The following GET1 variants were observed in gnomAD, a reference collection of about 807,000 sequenced individuals.
GET1 encodes guided entry of tail-anchored proteins factor 1, also known as congenital heart disease 5 protein.
Under a neutral mutation model 22.6 loss-of-function variants are expected in GET1, and 20 were observed. The observed-to-expected ratio is 0.89, with a 90% CI of 0.62 to 1.29. The LOEUF (loss-of-function observed/expected upper bound fraction) is 1.29, where lower values mean the gene tolerates loss of function less well. GET1 is among the 50% of genes most tolerant of loss of function. GET1 has a pLI of 0.00. For missense variants in GET1, 209 were observed against 219.9 expected (o/e 0.95, Z 0.31); for synonymous variants, 92 against 83.8 (o/e 1.10, Z -0.53).
intron 1 of GET1, chr21:39,387,775 AC>A: frequency 1.0e-6 from 1 of 983,052 alleles, no homozygotes; most frequent in Non-Finnish European, 1.2e-6. Context: ...ATGCGCAGAC[AC>A]CCTCAGGCGA....
At chr21:39,418,719 C>T (rs2041748309) in intron 1 of GET1, among the ~76,000 whole-genome samples, 1 of 152,044 alleles carries the variant, frequency 6.6e-6, no homozygotes, top group African/African-American at 2.4e-5. Context: ...AGGCTGGTCT[C>T]GAACTCCCAA....
At chr21:39,419,178 C>T (rs2041839329) in intron 1 of GET1, among the ~76,000 whole-genome samples, 1 of 152,092 alleles carries the variant, frequency 6.6e-6, no homozygotes, top group Non-Finnish European at 1.5e-5. Context: ...TCTCCTGTCT[C>T]TGAGTCATCT....
chr21:39,410,091 T>G (rs184696227), downstream of GET1: 420 of 1,601,214 alleles, frequency 2.6e-4, 2 homozygotes, highest in Non-Finnish European at 6.8e-5. Context: ...CTGTTGCCTT[T>G]TTACCCTGTA....
intron 1 of GET1, chr21:39,423,159 C>T (rs780629947): frequency 2.5e-6 from 4 of 1,613,406 alleles, no homozygotes; most frequent in Non-Finnish European, 3.4e-6. Flanking sequence ...TTTCCTTTTC[C>T]TGGGATTTCC....
At chr21:39,382,827 C>G (rs2037635710) in intron 1 of GET1, among the ~76,000 whole-genome samples, 1 of 152,200 alleles carries the variant, frequency 6.6e-6, no homozygotes, top group African/African-American at 2.4e-5. Flanking sequence ...GAAAAACCAC[C>G]ATACTGTTTT....
At chr21:39,404,922 C>A (rs1409525399) in intron 4 of GET1, among the ~76,000 whole-genome samples, 1 of 151,284 alleles carries the variant, frequency 6.6e-6, no homozygotes, top group Non-Finnish European at 1.5e-5. Flanking sequence ...CCTCTGCCTC[C>A]TGGGGTTCCA....
exon 5 of GET1, chr21:39,406,566 C>A (rs1428360978): frequency 1.9e-6 from 3 of 1,604,838 alleles, no homozygotes; most frequent in Non-Finnish European, 2.5e-6. Context: ...TTCCAGTATT[C>A]TCCAGCAGTA....
chr21:39,380,571 A>G (rs1484314958), intron 1 of GET1, 85 bp downstream of exon 1: 7 of 1,538,806 alleles, frequency 4.5e-6, no homozygotes, highest in Non-Finnish European at 6.1e-6. Context: ...AGGGGTCTCA[A>G]CTGGGCGACT....
intron 3 of GET1, among the ~76,000 whole-genome samples, chr21:39,392,707 TG>T (rs906857855): frequency 6.6e-6 from 1 of 152,164 alleles, no homozygotes; most frequent in African/African-American, 2.4e-5. Context: ...CTGGTGTACG[TG>T]GGAGAATTCA....
intron 1 of GET1, chr21:39,422,638 G>A (rs1422810612): frequency 2.0e-5 from 8 of 390,720 alleles, no homozygotes; most frequent in Middle Eastern, 1.4e-3. Context: ...GAGGTTTCAC[G>A]TAACACAATG....
intron 1 of GET1, chr21:39,420,668 C>G (rs373572715): frequency 6.4e-7 from 1 of 1,566,086 alleles, no homozygotes; most frequent in African/African-American, 1.4e-5. Flanking sequence ...TTTCGGGAAA[C>G]AGGATTTCAT....
rs577690914 is a variant in GET1 at position 39,404,801 on chromosome 21, C to CTA, written c.350-1104_350-1103dup. On this transcript the variant is annotated intron_variant, in intron 4 of 4. Transcript: ENST00000415847. The stretch of plus-strand genomic sequence containing the variant: ...TTCATGAAACTAAGCTTGGTAATCA[C>CTA]TATATATATACACACATACATACAT... Among the ~76,000 whole-genome samples the CTA allele has an allele frequency of 1.0e-3, 147 of 145,416 alleles. 1 individual carries two copies. Among genetic ancestry groups the CTA allele is most frequent in the African/African-American group, 3.4e-3 (135 of 39,878 alleles).
chr21:39,396,452 C>T (rs899951738), intron 4 of GET1, among the ~76,000 whole-genome samples: 7 of 151,930 alleles, frequency 4.6e-5, no homozygotes, highest in Admixed American at 2.6e-4. Context: ...GGCGTGAACC[C>T]GGGAGGTAGA....
chr21:39,410,276 A>T, downstream of GET1: 1 of 1,603,730 alleles, frequency 6.2e-7, no homozygotes, highest in Non-Finnish European at 8.5e-7. Context: ...TAGTTGTCAA[A>T]GGTGGAACAT....
chr21:39,393,570 C>T (rs1405923909), intron 4 of GET1, among the ~76,000 whole-genome samples: 2 of 152,186 alleles, frequency 1.3e-5, no homozygotes, highest in Non-Finnish European at 2.9e-5. Context: ...AAACACTAGC[C>T]GTAGTTCCAA....
chr21:39,401,726 C>G (rs1475147461), downstream of GET1, among the ~76,000 whole-genome samples: 1 of 152,158 alleles, frequency 6.6e-6, no homozygotes, highest in African/African-American at 2.4e-5. Context: ...GCCGTTTATC[C>G]ACAGCATGTG....
chr21:39,410,035 AT>A, downstream of GET1: 5 of 1,609,080 alleles, frequency 3.1e-6, no homozygotes, highest in Non-Finnish European at 4.3e-6. Flanking sequence ...ACAGTGAGGA[AT>A]TTCATGATTT....
At chr21:39,428,386 G>A (rs1199252441) in exon 2 of GET1, 9 of 1,612,954 alleles carry the variant, frequency 5.6e-6, no homozygotes, top group Non-Finnish European at 7.6e-6. Flanking sequence ...GTGAAAAATC[G>A]CCTGTGCCTG....
At chr21:39,420,976 G>C in intron 1 of GET1, 2 of 584,692 alleles carry the variant, frequency 3.4e-6, no homozygotes, top group Non-Finnish European at 5.7e-6. Context: ...TTATACAGGG[G>C]ACATATATTG....
Sources: allele counts gnomAD v4.1 joint callset (sites outside exome capture counted in the v4.1 genomes callset), GRCh38; gene constraint gnomAD v4.1.1; transcripts MANE v1.5; gene names NCBI Gene and HGNC (gene_info 2026-07-23, HGNC 2026-07-21).